The following RUNDC3A variants were observed in gnomAD, a reference collection of about 807,000 sequenced individuals.
RUNDC3A encodes RUN domain-containing protein 3A.
In RUNDC3A, 28 loss-of-function variants were observed where a neutral mutation model predicts 53.9. That is an observed-to-expected ratio of 0.52 (90% CI 0.38 to 0.71). RUNDC3A has a LOEUF of 0.71. RUNDC3A is among the 30% of genes least tolerant of loss of function. The pLI is 0.00. For synonymous variants in RUNDC3A, 232 were observed against 249.4 expected (o/e 0.93, Z 0.66); for missense variants, 491 against 597.3 (o/e 0.82, Z 1.85).
intron 10 of RUNDC3A, chr17:44,317,035 A>G (rs1005771156): frequency 5.0e-6 from 2 of 400,008 alleles, no homozygotes; most frequent in Admixed American, 4.2e-5. Flanking sequence ...GTGTATTTTT[A>G]GTAGAGACGG....
At position 44,312,594 on chromosome 17, in the gene RUNDC3A, C is replaced by A; in HGVS notation, c.122C>A (p.Thr41Lys). 6.4e-7 allele frequency: 1 copy of A among 1,571,392 alleles called. No individual in the cohort carries two copies. The highest frequency in any genetic ancestry group is 1.9e-5 in the Admixed American group (1 of 53,506). ...TCGCCGCCCAGGTTCTCTGTGAAAA[C>A]GCTGCTGGAGAAGTACACAGCGGAG... is the stretch of plus-strand genomic sequence containing the variant. ...LITVCRFSVK[T>K]LLEKYTAEPI... is the part of the protein sequence containing the mutation. The change falls in exon 2 of 11, where the codon ACG becomes AAG. Residue 41 changes from threonine to lysine, a missense_variant. By Grantham distance (78) the Thr-to-Lys change is moderately conservative. Coordinates refer to ENST00000426726, the MANE Select transcript of RUNDC3A (RefSeq NM_001144825.2).
Position 44,315,681 on chromosome 17 carries a change from A to T in RUNDC3A, c.953+72A>T. 2 of 1,267,552 alleles carry T rather than the reference A, an allele frequency of 1.6e-6. No homozygotes were observed. Among genetic ancestry groups the T allele is most frequent in the Non-Finnish European group, 2.0e-6 (2 of 977,562 alleles). 78.5% of individuals were successfully genotyped at this position (1,267,552 alleles called of 1,614,324 possible). A position where few individuals can be genotyped will look rare whatever the true frequency, so the allele number is the denominator to read the frequency against. On this transcript the variant is annotated intron_variant, in intron 8 of 10. Coordinates refer to ENST00000426726, the MANE Select transcript of RUNDC3A (RefSeq NM_001144825.2). This position sits in a 1 kb window ranked among gnomAD's most constrained non-coding sequence, Gnocchi z 6.1. ...ACATCACCGGGTGAACCCCATCTTC[A>T]CTTCCATCGACTCTAACATCACCCG...
Position 44,314,789 on chromosome 17 carries a change from C to A in RUNDC3A, c.513C>A (p.Thr171=), listed in dbSNP as rs1204447659. Reference sequence around the variant, plus strand: ...TGCGGGATGAAGCCACCATCCTCACCGGAATGCTGATCGGACTGAGCGCCA... The same window carrying A: ...TGCGGGATGAAGCCACCATCCTCACAGGAATGCTGATCGGACTGAGCGCCA... The part of the protein sequence containing the change: ...IMLRDEATIL[T]GMLIGLSAID... Residue 171 remains threonine (T), a synonymous_variant, in exon 5 of 11, where the codon ACC becomes ACA. Coordinates refer to ENST00000426726, the MANE Select transcript of RUNDC3A (RefSeq NM_001144825.2). 26 of 1,613,636 alleles carry A rather than the reference C, an allele frequency of 1.6e-5. No individual in the cohort carries two copies. Among genetic ancestry groups the A allele is most frequent in the Non-Finnish European group, 2.2e-5 (26 of 1,179,866 alleles).
At chr17:44,312,766 C>T in intron 2 of RUNDC3A, 71 bp downstream of exon 2, 1 of 665,086 alleles carries the variant, frequency 1.5e-6, no homozygotes, top group South Asian at 1.9e-5. Context: ...TCCCCCAGCG[C>T]CCCTCCCCCA....
chr17:44,314,680 G>GT lies in RUNDC3A; in HGVS notation c.459-55_459-54insT, dbSNP rs2047818888. 3.9e-5 allele frequency: 51 copies of GT among 1,299,822 alleles called. 1 individual carries two copies. The highest frequency in any genetic ancestry group is 5.2e-5 in the Non-Finnish European group (50 of 957,240). The allele number at this position is 1,299,822 out of a possible 1,614,324, so 80.5% of individuals were successfully genotyped here. Reference sequence around the variant, plus strand: ...AAGCCAACAATAGCAGCTCTGGGGGGGGGGGGGGCGCTCCAGGGGCCTGCT... The same window carrying GT: ...AAGCCAACAATAGCAGCTCTGGGGGGTGGGGGGGGCGCTCCAGGGGCCTGCT... On this transcript the variant is annotated intron_variant, in intron 4 of 10. Coordinates refer to ENST00000426726, the MANE Select transcript of RUNDC3A (RefSeq NM_001144825.2).
chr17:44,312,007 T>C (rs1301654339), intron 1 of RUNDC3A, among the ~76,000 whole-genome samples: 1 of 151,126 alleles, frequency 6.6e-6, no homozygotes, highest in East Asian at 2.0e-4. Flanking sequence ...GGGAAGGGGG[T>C]ATCTGTGTAC....
chr17:44,314,707 C>T (rs1374353057), intron 4 of RUNDC3A, 28 bp from the exon 5 acceptor site: 4 of 1,570,048 alleles, frequency 2.5e-6, no homozygotes, highest in African/African-American at 1.4e-5. Context: ...GGGCCTGCTG[C>T]ATCCTCTGGC....
In RUNDC3A at chr17:44,313,137, G is replaced by A; in HGVS notation, c.257G>A (p.Ser86Asn). Residue 86 changes from serine (S) to asparagine (N), a missense_variant, in exon 3 of 11, where the codon AGC becomes AAC. Coordinates refer to ENST00000426726, the MANE Select transcript of RUNDC3A (RefSeq NM_001144825.2). ...CCAGCAGGTCCAGTGAGCTGGTTCA[G>A]CTCAGACGGGCAGCGGGGCTTTTGG... ...CAPAGPVSWFSSDGQRGFWDY... is the reference protein window; with the variant it reads ...CAPAGPVSWFNSDGQRGFWDY... The A allele has an allele frequency of 6.2e-7, 1 of 1,614,090 alleles. No homozygotes were observed. Among genetic ancestry groups the A allele is most frequent in the Non-Finnish European group, 8.5e-7 (1 of 1,179,910 alleles).
At chr17:44,312,766 C>CCCCTCCCCCAGCGGT in intron 2 of RUNDC3A, 71 bp downstream of exon 2, 1 of 665,086 alleles carries the variant, frequency 1.5e-6, no homozygotes, top group South Asian at 1.9e-5. Context: ...TCCCCCAGCG[C>CCCCTCCCCCAGCGGT]CCCTCCCCCA....
At chr17:44,309,232 G>A (rs1043647897) in intron 1 of RUNDC3A, among the ~76,000 whole-genome samples, 1 of 152,092 alleles carries the variant, frequency 6.6e-6, no homozygotes, top group African/African-American at 2.4e-5. Context: ...TGAGGGGGAA[G>A]GGGGTGGGGA....
rs1474423125 is a variant in RUNDC3A at position 44,312,634 on chromosome 17, A to G, written c.162A>G (p.Ser54=). The stretch of plus-strand genomic sequence containing the variant: ...ACACAGCGGAGCCCATCGATGACTC[A>G]TCGGAGGAGTTTGTCAATTTTGCAG... The part of the protein sequence containing the change: ...EKYTAEPIDD[S]SEEFVNFAAI... The change falls in exon 2 of 11, where the codon TCA becomes TCG. Residue 54 remains serine, a synonymous_variant. Transcript: ENST00000426726. 6.3e-7 allele frequency: 1 copy of G among 1,587,946 alleles called. No homozygotes were observed. The highest frequency in any genetic ancestry group is 1.3e-5 in the African/African-American group (1 of 74,374).
In RUNDC3A at chr17:44,315,940, T is replaced by A. The variant is rs1216422475; in HGVS notation, c.953+331T>A. ...GTTGCTCTGCAACCTTCAACACGAT[T>A]GCATTCATCGCCTCACTCACCTGCA... is the stretch of plus-strand genomic sequence containing the variant. On this transcript the variant is annotated intron_variant, in intron 8 of 10. Transcript: ENST00000426726. The surrounding 1 kb of genome is among the most constrained non-coding windows in gnomAD (Gnocchi z 6.1). 6.6e-6 allele frequency among the ~76,000 whole-genome samples: 1 copy of A among 152,026 alleles called. No homozygotes were observed. Among genetic ancestry groups the A allele is most frequent in the African/African-American group, 2.4e-5 (1 of 41,378 alleles).
intron 1 of RUNDC3A, among the ~76,000 whole-genome samples, chr17:44,311,911 C>T (rs1218025758): frequency 3.9e-5 from 6 of 152,056 alleles, no homozygotes; most frequent in South Asian, 2.1e-4. Context: ...CCATACCCCG[C>T]ACCTCCCCAC....
In RUNDC3A at chr17:44,315,684, T is replaced by A; in HGVS notation, c.953+75T>A. ...TCACCGGGTGAACCCCATCTTCACT[T>A]CCATCGACTCTAACATCACCCGACA... On this transcript the variant is annotated intron_variant, in intron 8 of 10. Coordinates refer to ENST00000426726, the MANE Select transcript of RUNDC3A (RefSeq NM_001144825.2). This position sits in a 1 kb window ranked among gnomAD's most constrained non-coding sequence, Gnocchi z 6.1. 6.4e-6 allele frequency: 8 copies of A among 1,256,190 alleles called. No individual in the cohort carries two copies. Among genetic ancestry groups the A allele is most frequent in the Non-Finnish European group, 8.3e-6 (8 of 966,554 alleles). The allele number at this position is 1,256,190 out of a possible 1,614,324, so 77.8% of individuals were successfully genotyped here. A position where few individuals can be genotyped will look rare whatever the true frequency, so the allele number is the denominator to read the frequency against.
chr17:44,318,556 C>A lies in RUNDC3A; in HGVS notation c.*318C>A, dbSNP rs933362364. 3.0e-6 allele frequency: 1 copy of A among 337,300 alleles called. No homozygotes were observed. Among genetic ancestry groups the A allele is most frequent in the South Asian group, 4.6e-5 (1 of 21,844 alleles). 20.9% of individuals were successfully genotyped at this position (337,300 alleles called of 1,614,324 possible). ...GCCCCCTCAGGAACTGGTGGCCCAG[C>A]TTCCACACCCCCACCTCCCAGTCTC... On this transcript the variant is annotated 3_prime_UTR_variant, in exon 11 of 11. Transcript: ENST00000426726.
Position 44,316,494 on chromosome 17 carries a change from G to C in RUNDC3A, c.1063G>C (p.Gly355Arg), listed in dbSNP as rs1304195240. Reference sequence around the variant, plus strand: ...ACTGGGAACGCTTAATGGGGCCGAGGGCGCCAGCAACTCCAAGCTCTACCG... The same window carrying C: ...ACTGGGAACGCTTAATGGGGCCGAGCGCGCCAGCAACTCCAAGCTCTACCG... ...PSLGTLNGAE[G>R]ASNSKLYRRH... is the part of the protein sequence containing the mutation. The change falls in exon 9 of 11, where the codon GGC becomes CGC. Residue 355 changes from glycine to arginine, a missense_variant. Around this residue, in one of 2 missense-constraint regions of RUNDC3A, gnomAD observed 218 missense variants for 208.2 expected, o/e 1.05. Coordinates refer to ENST00000426726, the MANE Select transcript of RUNDC3A (RefSeq NM_001144825.2). 5.0e-6 allele frequency: 8 copies of C among 1,612,732 alleles called. No homozygotes were observed. The highest frequency in any genetic ancestry group is 5.9e-6 in the Non-Finnish European group (7 of 1,179,692).
At chr17:44,309,256 T>C (rs1442249131) in intron 1 of RUNDC3A, among the ~76,000 whole-genome samples, 1 of 151,814 alleles carries the variant, frequency 6.6e-6, no homozygotes, top group African/African-American at 2.4e-5. Flanking sequence ...CTGGCTCCCT[T>C]GCTGGGAATG....
In RUNDC3A at chr17:44,312,702, C is replaced by A; in HGVS notation, c.223+7C>A. The A allele has an allele frequency of 6.8e-7, 1 of 1,474,608 alleles. No homozygotes were observed. The highest frequency in any genetic ancestry group is 9.2e-7 in the Non-Finnish European group (1 of 1,092,738). 91.3% of individuals were successfully genotyped at this position (1,474,608 alleles called of 1,614,324 possible). ...CTCAGCCACCGCTTCAAAGGTGGGCCCAGCGCCCCTCCCCCAGCGGTCCCT... is the reference window on the plus strand; with the variant it reads ...CTCAGCCACCGCTTCAAAGGTGGGCACAGCGCCCCTCCCCCAGCGGTCCCT... On this transcript the variant is annotated splice_region_variant and intron_variant, in intron 2 of 10. Coordinates refer to ENST00000426726, the MANE Select transcript of RUNDC3A (RefSeq NM_001144825.2).
In RUNDC3A at chr17:44,315,643, C is replaced by T. The variant is rs901179616; in HGVS notation, c.953+34C>T. The T allele has an allele frequency of 2.2e-6, 3 of 1,379,792 alleles. No individual in the cohort carries two copies. Among genetic ancestry groups the T allele is most frequent in the Non-Finnish European group, 2.8e-6 (3 of 1,056,900 alleles). The allele number at this position is 1,379,792 out of a possible 1,614,324, so 85.5% of individuals were successfully genotyped here. ...ACGGCCTGCCCTAACCCCTGACCCCCGCCGCCCCGACCACATCACCGGGTG... is the reference window on the plus strand; with the variant it reads ...ACGGCCTGCCCTAACCCCTGACCCCTGCCGCCCCGACCACATCACCGGGTG... On this transcript the variant is annotated intron_variant, in intron 8 of 10. Transcript: ENST00000426726. The surrounding 1 kb of genome is among the most constrained non-coding windows in gnomAD (Gnocchi z 6.1).
Sources: gnomAD v4.1 joint callset for allele counts (sites outside exome capture counted in the v4.1 genomes callset) on GRCh38, gnomAD v4.1.1 for gene constraint, gnomAD v4.1.1 regional missense constraint, Gnocchi (gnomAD v3.1) non-coding constraint, MANE v1.5 for transcripts, NCBI Gene and HGNC (gene_info 2026-07-23, HGNC 2026-07-21) for gene names.